CNTNAP5: variants seen among roughly 807,000 people sequenced by gnomAD.
CNTNAP5 encodes the protein contactin-associated protein-like 5.
A neutral mutation model predicts 150.2 loss-of-function variants in CNTNAP5; 72 were observed. The ratio of observed to expected loss-of-function variants is 0.48; its 90% CI spans 0.40 to 0.58. The LOEUF (loss-of-function observed/expected upper bound fraction) is 0.58. Among genes scored for constraint, CNTNAP5 ranks in the 20% least tolerant of loss-of-function variants. CNTNAP5 has a pLI of 0.00. For synonymous variants in CNTNAP5, 672 were observed against 619.8 expected, an observed-to-expected ratio of 1.08 and a Z score of -1.25; for missense variants, 1,636 against 1,626.2, an observed-to-expected ratio of 1.01 and a Z score of -0.10.
chr2:124,601,664 G>A (rs1051950529), intron 11 of CNTNAP5, among the ~76,000 whole-genome samples: 3 of 149,836 alleles, frequency 2.0e-5, no homozygotes, highest in Admixed American at 6.7e-5. Flanking sequence ...CAAGCATCAC[G>A]TGCTATTAGA....
At position 124,292,402 on chromosome 2, in the gene CNTNAP5, G is replaced by A. The variant is rs566864565; in HGVS notation, c.381+50009G>A. Among the ~76,000 whole-genome samples the A allele has an allele frequency of 6.6e-5, 10 of 152,130 alleles. No individual in the cohort carries two copies. The South Asian group carries it at 1.2e-3, about 19-fold the overall frequency. The stretch of plus-strand genomic sequence containing the variant: ...ATTCCTACAAAAGCAAAGGAGGAAC[G>A]GAGCAAATTAAATGATGGACACTCA... On this transcript the variant is annotated intron_variant, in intron 3 of 23. Coordinates refer to ENST00000682447, the MANE Select transcript of CNTNAP5 (RefSeq NM_001367498.1).
intron 13 of CNTNAP5, among the ~76,000 whole-genome samples, chr2:124,670,179 C>CCTTCCTT (rs1324431370): frequency 0.068 from 6,093 of 89,644 alleles, 185 homozygotes; most frequent in Admixed American, 0.11. Context: ...CTTCCTTCCT[C>CCTTCCTT]CCTCTCTTTC....
chr2:124,476,538 G>A (rs1693644799), intron 7 of CNTNAP5, among the ~76,000 whole-genome samples: 1 of 152,120 alleles, frequency 6.6e-6, no homozygotes, highest in South Asian at 2.1e-4. Flanking sequence ...CTCCTGCAGG[G>A]GATGAAGGGG....
At chr2:124,151,381 T>A (rs1352032008) in intron 1 of CNTNAP5, among the ~76,000 whole-genome samples, 1 of 152,186 alleles carries the variant, frequency 6.6e-6, no homozygotes, top group Non-Finnish European at 1.5e-5. Flanking sequence ...TCTCTACGCT[T>A]CCTCATGAGC....
intron 7 of CNTNAP5, among the ~76,000 whole-genome samples, chr2:124,503,071 G>C (rs1466994513): frequency 6.6e-6 from 1 of 152,188 alleles, no homozygotes; most frequent in Non-Finnish European, 1.5e-5. Flanking sequence ...TTGCTTGACG[G>C]ATATCAAGGT....
chr2:124,530,403 T>A (rs111935386), intron 10 of CNTNAP5, among the ~76,000 whole-genome samples: 370 of 152,298 alleles, frequency 2.4e-3, no homozygotes, highest in African/African-American at 8.5e-3. Flanking sequence ...CTCCCTCCGG[T>A]GGAGGTCCTT....
chr2:124,788,230 A>G (rs1257523381), intron 17 of CNTNAP5, among the ~76,000 whole-genome samples: 3 of 152,158 alleles, frequency 2.0e-5, no homozygotes, highest in Non-Finnish European at 2.9e-5. Flanking sequence ...CGTTTTTCTG[A>G]TATCAGAGGG....
intron 21 of CNTNAP5, among the ~76,000 whole-genome samples, chr2:124,901,000 C>G (rs558540573): frequency 2.0e-5 from 3 of 151,770 alleles, no homozygotes; most frequent in African/African-American, 7.3e-5. Flanking sequence ...TAATGCTCAT[C>G]ATACCAAACA....
At chr2:124,231,157 G>T (rs527471888) in intron 2 of CNTNAP5, among the ~76,000 whole-genome samples, 1 of 152,214 alleles carries the variant, frequency 6.6e-6, no homozygotes, top group African/African-American at 2.4e-5. Context: ...AATTTGAGAT[G>T]CAGCATTCTA....
intron 10 of CNTNAP5, among the ~76,000 whole-genome samples, chr2:124,534,553 A>G (rs180939974): frequency 1.6e-4 from 24 of 152,324 alleles, no homozygotes; most frequent in Middle Eastern, 3.4e-3. Context: ...TGTAAACTCT[A>G]TCACCACTGT....
At chr2:124,649,189 G>A (rs1458856032) in intron 13 of CNTNAP5, among the ~76,000 whole-genome samples, 1 of 152,166 alleles carries the variant, frequency 6.6e-6, no homozygotes, top group African/African-American at 2.4e-5. Flanking sequence ...CTCAGCATCA[G>A]CATTGTGAAA....
At chr2:124,421,975 C>A (rs983246967) in intron 4 of CNTNAP5, among the ~76,000 whole-genome samples, 6 of 152,198 alleles carry the variant, frequency 3.9e-5, no homozygotes, top group South Asian at 2.1e-4. Context: ...TTGCTTACTT[C>A]TTTCCTGTTT....
intron 7 of CNTNAP5, among the ~76,000 whole-genome samples, chr2:124,481,907 G>A (rs551577828): frequency 6.6e-6 from 1 of 152,168 alleles, no homozygotes. Flanking sequence ...CAAAGATTGT[G>A]AACTTTTGAC....
intron 13 of CNTNAP5, among the ~76,000 whole-genome samples, chr2:124,739,661 A>G (rs1680458306): frequency 6.6e-6 from 1 of 152,198 alleles, no homozygotes; most frequent in South Asian, 2.1e-4. Context: ...CCTAAAGACG[A>G]CTGCGGTGAA....
intron 1 of CNTNAP5, among the ~76,000 whole-genome samples, chr2:124,181,672 C>G (rs1311144824): frequency 2.0e-5 from 3 of 152,174 alleles, no homozygotes; most frequent in Non-Finnish European, 2.9e-5. Context: ...TGTACTTGAG[C>G]AAGTCATTTC....
At chr2:124,295,229 A>G (rs940597969) in intron 3 of CNTNAP5, among the ~76,000 whole-genome samples, 1 of 148,404 alleles carries the variant, frequency 6.7e-6, no homozygotes, top group African/African-American at 2.5e-5. Flanking sequence ...CTTTTTTTGC[A>G]TAACTGTGAA....
At chr2:124,733,072 T>A (rs1410246837) in intron 13 of CNTNAP5, among the ~76,000 whole-genome samples, 1 of 152,170 alleles carries the variant, frequency 6.6e-6, no homozygotes, top group African/African-American at 2.4e-5. Context: ...AAATTATTGA[T>A]TTATTGAACA....
chr2:124,337,455 A>G (rs190130124), intron 3 of CNTNAP5, among the ~76,000 whole-genome samples: 18 of 152,236 alleles, frequency 1.2e-4, no homozygotes, highest in African/African-American at 4.1e-4. Flanking sequence ...GCCCATACCT[A>G]TGTCCAGAAT....
chr2:124,772,227 AAG>A (rs1373816549), intron 16 of CNTNAP5, among the ~76,000 whole-genome samples: 1 of 152,218 alleles, frequency 6.6e-6, no homozygotes, highest in Non-Finnish European at 1.5e-5. Context: ...GAGAGGCAGA[AAG>A]AATAATGGAA....
Sources: gnomAD v4.1 joint callset for allele counts (sites outside exome capture counted in the v4.1 genomes callset) on GRCh38, gnomAD v4.1.1 for gene constraint, MANE v1.5 for transcripts, NCBI Gene and HGNC (gene_info 2026-07-23, HGNC 2026-07-21) for gene names.